Variants in SLIT3 observed in about 807,000 individuals in gnomAD.
SLIT3 encodes the protein slit guidance ligand 3.
In SLIT3, 68 loss-of-function variants were observed where a neutral mutation model predicts 184.0. The observed-to-expected ratio is 0.37, with a 90% confidence interval of 0.30 to 0.45. The LOEUF (loss-of-function observed/expected upper bound fraction) is 0.45, where lower values mean the gene tolerates loss of function less well. Ranked by LOEUF, SLIT3 falls within the 20% of genes least tolerant of loss-of-function variation. SLIT3 has a pLI of 1.00. For missense variants in SLIT3, 1,707 were observed against 2,026.0 expected, an observed-to-expected ratio of 0.84 and a Z score of 3.02; for synonymous variants, 831 against 828.6, an observed-to-expected ratio of 1.00 and a Z score of -0.05.
chr5:169,159,005 G>A lies in SLIT3; in HGVS notation c.413+34474C>T, dbSNP rs527431230. On this transcript the variant is annotated intron_variant, in intron 4 of 35. Coordinates refer to ENST00000519560, the MANE Select transcript of SLIT3 (RefSeq NM_003062.4). Reference sequence around the variant, plus strand: ...CAATTAAAAAACAGAGACTGAGGCCGGGCATGGTGGCTCATGCCTGTAATC... The same window carrying A: ...CAATTAAAAAACAGAGACTGAGGCCAGGCATGGTGGCTCATGCCTGTAATC... Among the ~76,000 whole-genome samples the A allele has an allele frequency of 3.0e-4, 45 of 152,182 alleles. No individual in the cohort carries two copies. In the South Asian group the frequency reaches 5.6e-3, roughly 19 times the overall value.
intron 3 of SLIT3, among the ~76,000 whole-genome samples, chr5:169,225,681 A>T (rs2113540313): frequency 1.3e-5 from 2 of 152,306 alleles, no homozygotes; most frequent in South Asian, 4.1e-4. Flanking sequence ...TGAGCTGAAA[A>T]ATGAATGGCA....
intron 4 of SLIT3, among the ~76,000 whole-genome samples, chr5:169,090,292 A>G (rs2113199877): frequency 6.6e-6 from 1 of 152,200 alleles, no homozygotes; most frequent in South Asian, 2.1e-4. Flanking sequence ...AATAATAATG[A>G]TACTCTGCTT....
At chr5:169,217,797 A>G (rs1016643861) in intron 3 of SLIT3, among the ~76,000 whole-genome samples, 1 of 152,208 alleles carries the variant, frequency 6.6e-6, no homozygotes, top group Non-Finnish European at 1.5e-5. Flanking sequence ...GAGAGGTGGG[A>G]GGTCATTAAC....
chr5:169,059,271 C>A (rs114542665), intron 4 of SLIT3, among the ~76,000 whole-genome samples: 56 of 152,228 alleles, frequency 3.7e-4, no homozygotes, highest in Non-Finnish European at 5.9e-4. Context: ...ACTGTCCCCC[C>A]TCTAGGAGCA....
intron 4 of SLIT3, among the ~76,000 whole-genome samples, chr5:168,964,485 C>A (rs1170467136): frequency 1.3e-5 from 2 of 152,144 alleles, no homozygotes; most frequent in African/African-American, 4.8e-5. Flanking sequence ...AGATTAGGAG[C>A]CTATGAAACA....
At chr5:168,883,631 C>T (rs1455711564) in intron 4 of SLIT3, among the ~76,000 whole-genome samples, 1 of 152,220 alleles carries the variant, frequency 6.6e-6, no homozygotes, top group East Asian at 1.9e-4. Context: ...GCACACACTG[C>T]ACCCAATTCT....
chr5:168,859,109 C>T (rs925437274), intron 5 of SLIT3, among the ~76,000 whole-genome samples: 1 of 152,108 alleles, frequency 6.6e-6, no homozygotes, highest in Admixed American at 6.5e-5. Context: ...TGATGGATAG[C>T]CACTTTGGAA....
chr5:169,085,625 G>A (rs1238424567), intron 4 of SLIT3, among the ~76,000 whole-genome samples: 2 of 152,170 alleles, frequency 1.3e-5, no homozygotes, highest in Non-Finnish European at 2.9e-5. Context: ...GGAGGTTACC[G>A]CTGTGAATCA....
chr5:169,257,533 C>CTTTTTTTTTT (rs1157258489), intron 1 of SLIT3, among the ~76,000 whole-genome samples: 3 of 80,908 alleles, frequency 3.7e-5, no homozygotes, highest in African/African-American at 1.2e-4. Flanking sequence ...TCTATGCCTC[C>CTTTTTTTTTT]TTTTTTTTTT....
chr5:169,126,961 G>T (rs977767588), intron 4 of SLIT3, among the ~76,000 whole-genome samples: 1 of 149,648 alleles, frequency 6.7e-6, no homozygotes, highest in Non-Finnish European at 1.5e-5. Context: ...TAATTACAAT[G>T]AAAAGTCTGC....
intron 4 of SLIT3, among the ~76,000 whole-genome samples, chr5:168,925,677 A>C (rs1294484947): frequency 6.6e-6 from 1 of 152,202 alleles, no homozygotes; most frequent in East Asian, 1.9e-4. Context: ...AAAAAAAAAA[A>C]AAAGAGGGGG....
chr5:168,986,597 C>A (rs1456868153), intron 4 of SLIT3, among the ~76,000 whole-genome samples: 1 of 152,184 alleles, frequency 6.6e-6, no homozygotes, highest in African/African-American at 2.4e-5. Flanking sequence ...TGACCTGGAC[C>A]ATCCAGGCAT....
intron 1 of SLIT3, among the ~76,000 whole-genome samples, chr5:169,274,708 C>A (rs866544064): frequency 6.6e-6 from 1 of 152,204 alleles, no homozygotes; most frequent in Non-Finnish European, 1.5e-5. Context: ...GGTGAGAAAA[C>A]ATCTCCAATC....
rs1299473790 is a variant in SLIT3 at position 168,773,238 on chromosome 5, AC to A, written c.1296-295del. On this transcript the variant is annotated intron_variant, in intron 13 of 35. Transcript: ENST00000519560. ...CCACCGATTGCTTCTACTCTCACCC[AC>A]GCCAATTCTGACAGACAAACCCAGT... Among the ~76,000 whole-genome samples the A allele has an allele frequency of 4.1e-4, 62 of 152,262 alleles. 1 individual carries two copies. Among genetic ancestry groups the A allele is most frequent in the African/African-American group, 1.5e-3 (61 of 41,564 alleles).
At chr5:168,891,388 C>A (rs1343171327) in intron 4 of SLIT3, among the ~76,000 whole-genome samples, 1 of 152,184 alleles carries the variant, frequency 6.6e-6, no homozygotes, top group Admixed American at 6.5e-5. Flanking sequence ...GTTACACCCT[C>A]CCCTGGGAGC....
intron 1 of SLIT3, among the ~76,000 whole-genome samples, chr5:169,280,282 C>T (rs1766954229): frequency 6.6e-6 from 1 of 152,214 alleles, no homozygotes; most frequent in African/African-American, 2.4e-5. Context: ...GCTTTTGGTC[C>T]CACTGAGTGC....
At chr5:169,095,101 T>G (rs1035887192) in intron 4 of SLIT3, among the ~76,000 whole-genome samples, 2 of 152,156 alleles carry the variant, frequency 1.3e-5, no homozygotes, top group African/African-American at 4.8e-5. Flanking sequence ...GTTTTGAAAC[T>G]TTATCTCCCT....
At chr5:169,146,724 T>C (rs967549519) in intron 4 of SLIT3, among the ~76,000 whole-genome samples, 1 of 152,114 alleles carries the variant, frequency 6.6e-6, no homozygotes, top group Non-Finnish European at 1.5e-5. Context: ...GAGCCCCCCT[T>C]CTTCCTTCAA....
intron 15 of SLIT3, among the ~76,000 whole-genome samples, chr5:168,761,384 C>G (rs942225275): frequency 1.3e-5 from 2 of 152,170 alleles, no homozygotes; most frequent in East Asian, 1.9e-4. Flanking sequence ...GGGAGAGCAG[C>G]AGGGCAGGGA....
Sources: allele counts gnomAD v4.1 joint callset (sites outside exome capture counted in the v4.1 genomes callset), GRCh38; gene constraint gnomAD v4.1.1; transcripts MANE v1.5; gene names NCBI Gene and HGNC (gene_info 2026-07-23, HGNC 2026-07-21).